Variants in AGO3 observed in about 807,000 individuals in gnomAD.
The protein encoded by AGO3 is argonaute RISC catalytic component 3, also known as protein argonaute-3.
AGO3 carries 16 observed loss-of-function variants against 105.5 expected under a neutral mutation model. That is an observed-to-expected ratio of 0.15 (90% confidence interval 0.10 to 0.23). AGO3 has a LOEUF of 0.23. Ranked by LOEUF, AGO3 falls within the 10% of genes least tolerant of loss-of-function variation. The pLI is 1.00. For missense variants in AGO3, 534 were observed against 1,088.0 expected, an observed-to-expected ratio of 0.49 and a Z score of 7.16; for synonymous variants, 340 against 367.3, an observed-to-expected ratio of 0.93 and a Z score of 0.85.
upstream of AGO3, chr1:35,930,962 G>T (rs1205091432): frequency 6.3e-6 from 2 of 319,176 alleles, no homozygotes; most frequent in Non-Finnish European, 5.7e-6. Context: ...CCGGCTCCCG[G>T]ACACCTCCCC....
chr1:35,957,725 C>G (rs990250602), intron 2 of AGO3, among the ~76,000 whole-genome samples: 1 of 151,122 alleles, frequency 6.6e-6, no homozygotes, highest in African/African-American at 2.4e-5. Context: ...GATTCCATCT[C>G]AAAAAAACAA....
At chr1:35,994,996 T>C (rs754572222) in intron 5 of AGO3, among the ~76,000 whole-genome samples, 10 of 151,700 alleles carry the variant, frequency 6.6e-5, no homozygotes, top group Admixed American at 2.0e-4. Flanking sequence ...CTCAGGAGTT[T>C]GCGACCAGCC....
chr1:36,034,394 A>G (rs1050716374), intron 13 of AGO3, 61 bp downstream of exon 13: 6 of 1,254,706 alleles, frequency 4.8e-6, no homozygotes, highest in African/African-American at 1.5e-5. Context: ...TCTATATATG[A>G]CCATATCTAA....
intron 2 of AGO3, among the ~76,000 whole-genome samples, chr1:35,962,902 A>T (rs531463784): frequency 6.6e-6 from 1 of 152,236 alleles, no homozygotes; most frequent in Non-Finnish European, 1.5e-5. Flanking sequence ...TAATTTGATG[A>T]TGTTCTCAAA....
intron 5 of AGO3, among the ~76,000 whole-genome samples, chr1:35,977,434 C>G (rs1238610085): frequency 3.4e-5 from 5 of 147,860 alleles, no homozygotes; most frequent in African/African-American, 5.0e-5. Flanking sequence ...GCTCTGTCAC[C>G]CAGGCTGGAG....
At chr1:36,014,096 TTTAAA>T in intron 11 of AGO3, 48 bp downstream of exon 11, 2 of 1,610,000 alleles carry the variant, frequency 1.2e-6, no homozygotes, top group South Asian at 2.2e-5. Flanking sequence ...GTGTTTAGAC[TTTAAA>T]TTACTCATCT....
chr1:35,958,760 T>C (rs1304738388), intron 2 of AGO3, among the ~76,000 whole-genome samples: 1 of 152,248 alleles, frequency 6.6e-6, no homozygotes, highest in African/African-American at 2.4e-5. Flanking sequence ...CCTTCTCTGC[T>C]AGTAACCACA....
intron 2 of AGO3, among the ~76,000 whole-genome samples, chr1:35,950,170 G>A (rs1420826882): frequency 6.6e-6 from 1 of 151,566 alleles, no homozygotes; most frequent in Non-Finnish European, 1.5e-5. Flanking sequence ...GCAGTGAGCC[G>A]ACGTCGTGCC....
chr1:36,013,724 C>T lies in AGO3; in HGVS notation c.1244C>T (p.Pro415Leu). The change falls in exon 10 of 19, where the codon CCA becomes CTA. Residue 415 changes from proline to leucine, a missense_variant. Around this residue, in one of 2 missense-constraint regions of AGO3, gnomAD observed 373 missense variants for 854.0 expected, o/e 0.44. Transcript: ENST00000373191. Reference protein sequence around the residue: ...EMAHVTGRVLPAPMLQYGGRN... With the variant: ...EMAHVTGRVLLAPMLQYGGRN... ...GCTCATGTAACTGGACGCGTACTTCCAGCACCTATGCTCCAGTATGGAGGA... is the reference window on the plus strand; with the variant it reads ...GCTCATGTAACTGGACGCGTACTTCTAGCACCTATGCTCCAGTATGGAGGA... 1 of 1,614,150 alleles carries T rather than the reference C, an allele frequency of 6.2e-7. No individual in the cohort carries two copies. Among genetic ancestry groups the T allele is most frequent in the Non-Finnish European group, 8.5e-7 (1 of 1,180,016 alleles).
At chr1:35,973,625 G>A in intron 5 of AGO3, 114 bp downstream of exon 5, 3 of 1,170,036 alleles carry the variant, frequency 2.6e-6, no homozygotes, top group South Asian at 6.8e-5. Context: ...ATTTGGACAT[G>A]TATTATGATC....
chr1:35,985,416 T>A (rs1447978789), intron 5 of AGO3, among the ~76,000 whole-genome samples: 1 of 152,208 alleles, frequency 6.6e-6, no homozygotes, highest in Non-Finnish European at 1.5e-5. Flanking sequence ...GAAATTGCCC[T>A]ACTTCCTATA....
At chr1:36,004,123 G>C in intron 5 of AGO3, 1 of 408,422 alleles carries the variant, frequency 2.4e-6, no homozygotes. Context: ...AGTTACTTAC[G>C]ATGAAAGAGA....
In AGO3 at chr1:36,057,758, C is replaced by A. The variant is rs931631580; in HGVS notation, c.*2013C>A. On this transcript the variant is annotated 3_prime_UTR_variant, in exon 19 of 19. Coordinates refer to ENST00000373191, the MANE Select transcript of AGO3 (RefSeq NM_024852.4). ...TTGGGAGGCTGAGACAGGTATATCA[C>A]CGGAGCTCAGGAGTTTGAGACCAGC... is the stretch of plus-strand genomic sequence containing the variant. 2 of 152,154 alleles carry A rather than the reference C, an allele frequency of 1.3e-5. No homozygotes were observed. The highest frequency in any genetic ancestry group is 2.9e-5 in the Non-Finnish European group (2 of 68,038). The allele number at this position is 152,154 out of a possible 1,614,324, so 9.4% of individuals were successfully genotyped here. A position where few individuals can be genotyped will look rare whatever the true frequency, so the allele number is the denominator to read the frequency against.
chr1:35,962,465 C>T (rs1032328167), intron 2 of AGO3, among the ~76,000 whole-genome samples: 1 of 151,696 alleles, frequency 6.6e-6, no homozygotes, highest in African/African-American at 2.4e-5. Flanking sequence ...ATAGTGTGAA[C>T]CCAGGAGGGG....
chr1:35,957,807 T>A (rs1646598891), intron 2 of AGO3, among the ~76,000 whole-genome samples: 1 of 152,198 alleles, frequency 6.6e-6, no homozygotes, highest in Non-Finnish European at 1.5e-5. Context: ...ATGTGAGGCC[T>A]GTAATTCCAG....
chr1:35,972,763 C>T (rs1461670549), intron 4 of AGO3, among the ~76,000 whole-genome samples: 1 of 151,730 alleles, frequency 6.6e-6, no homozygotes, highest in African/African-American at 2.4e-5. Flanking sequence ...ACTGCAGCCT[C>T]AACCTCCCAG....
chr1:35,991,521 C>G (rs7413294), intron 5 of AGO3, among the ~76,000 whole-genome samples: 309 of 146,384 alleles, frequency 2.1e-3, no homozygotes, highest in Middle Eastern at 3.6e-3. Context: ...AATAGGGTAC[C>G]TGGGGAGCAA....
At chr1:36,039,272 G>C (rs750608960) in intron 14 of AGO3, among the ~76,000 whole-genome samples, 6 of 152,060 alleles carry the variant, frequency 3.9e-5, no homozygotes, top group Admixed American at 6.6e-5. Context: ...AACGCAGACG[G>C]ATCACGAGGT....
chr1:36,032,576 G>A (rs1218587577), intron 12 of AGO3, among the ~76,000 whole-genome samples: 1 of 152,114 alleles, frequency 6.6e-6, no homozygotes, highest in Non-Finnish European at 1.5e-5. Context: ...CAGGGATGGG[G>A]TCTTGATTTG....
Sources: gnomAD v4.1 joint callset for allele counts (sites outside exome capture counted in the v4.1 genomes callset) on GRCh38, gnomAD v4.1.1 for gene constraint, gnomAD v4.1.1 regional missense constraint, MANE v1.5 for transcripts, NCBI Gene and HGNC (gene_info 2026-07-23, HGNC 2026-07-21) for gene names.